DSCAM: variants seen among roughly 807,000 people sequenced by gnomAD.
DSCAM encodes DS cell adhesion molecule, also known as cell adhesion molecule DSCAM.
In DSCAM, 47 loss-of-function variants were observed where a neutral mutation model predicts 217.7. That is an observed-to-expected ratio of 0.22 (90% CI 0.17 to 0.28). The LOEUF (loss-of-function observed/expected upper bound fraction) is 0.28. Ranked by LOEUF, DSCAM falls within the 10% of genes least tolerant of loss-of-function variation. DSCAM has a pLI of 1.00. For synonymous variants in DSCAM, 1,056 were observed against 1,015.3 expected, an observed-to-expected ratio of 1.04 and a Z score of -0.76; for missense variants, 2,080 against 2,618.3, an observed-to-expected ratio of 0.79 and a Z score of 4.49.
intron 8 of DSCAM, among the ~76,000 whole-genome samples, chr21:40,332,642 C>T (rs948622379): frequency 5.3e-5 from 8 of 152,122 alleles, no homozygotes; most frequent in Non-Finnish European, 1.2e-4. Context: ...AAATATAAAA[C>T]TGCTTGTTAA....
chr21:40,363,317 A>G (rs561252031), intron 4 of DSCAM, among the ~76,000 whole-genome samples: 1 of 137,912 alleles, frequency 7.3e-6, no homozygotes, highest in African/African-American at 2.8e-5. Flanking sequence ...CAATGGTGCC[A>G]TCTTGGCTCA....
intron 20 of DSCAM, among the ~76,000 whole-genome samples, chr21:40,097,959 AAAGAAAGAAAGAAAGAAAGAAAGAAAG>A (rs2089700676): frequency 3.8e-5 from 1 of 26,544 alleles, no homozygotes; most frequent in African/African-American, 2.8e-4. Flanking sequence ...AAAAAAAAAG[AAAGAAAGAAAGAAAGAAAGAAAGAAAG>A]AAAGAAAGAA....
At chr21:40,191,808 G>A (rs558319743) in intron 11 of DSCAM, among the ~76,000 whole-genome samples, 103 of 152,190 alleles carry the variant, frequency 6.8e-4, no homozygotes, top group African/African-American at 2.1e-3. Context: ...GGCTTGTGGC[G>A]GCAAAACTTC....
At chr21:40,529,359 C>T (rs192412181) in intron 3 of DSCAM, among the ~76,000 whole-genome samples, 35 of 152,300 alleles carry the variant, frequency 2.3e-4, no homozygotes, top group African/African-American at 8.4e-4. Flanking sequence ...AAACAGGGTG[C>T]TGTTTCTTAG....
intron 3 of DSCAM, among the ~76,000 whole-genome samples, chr21:40,683,354 A>G (rs1441832854): frequency 2.0e-5 from 3 of 152,154 alleles, no homozygotes; most frequent in Non-Finnish European, 1.5e-5. Flanking sequence ...AGCCCAAAAT[A>G]CTCACTACTA....
intron 9 of DSCAM, among the ~76,000 whole-genome samples, chr21:40,296,598 G>A (rs987871850): frequency 6.6e-6 from 1 of 152,098 alleles, no homozygotes; most frequent in Non-Finnish European, 1.5e-5. Flanking sequence ...TTGGGAGTCC[G>A]AGGCAAGCAG....
intron 1 of DSCAM, among the ~76,000 whole-genome samples, chr21:40,771,527 C>T (rs775502639): frequency 5.3e-5 from 8 of 152,172 alleles, no homozygotes; most frequent in Admixed American, 3.3e-4. Flanking sequence ...GGAAGGCTTC[C>T]GGACCAGGTT....
chr21:40,657,389 G>T (rs2090087986), intron 3 of DSCAM, among the ~76,000 whole-genome samples: 1 of 152,076 alleles, frequency 6.6e-6, no homozygotes, highest in Non-Finnish European at 1.5e-5. Flanking sequence ...ATTTTCACAG[G>T]CAATAAAAGC....
At position 40,447,204 on chromosome 21, in the gene DSCAM, G is replaced by A. The variant is rs149524334; in HGVS notation, c.509-77959C>T. On this transcript the variant is annotated intron_variant, in intron 3 of 32. Coordinates refer to ENST00000400454, the MANE Select transcript of DSCAM (RefSeq NM_001389.5). The stretch of plus-strand genomic sequence containing the variant: ...TTGGGCATGTAGGTGAATGAAACTC[G>A]ACTCCTTACAGTCTCATACCCAAGC... Among the ~76,000 whole-genome samples the A allele has an allele frequency of 5.1e-4, 77 of 152,240 alleles. 2 individuals carry two copies. The highest frequency in any genetic ancestry group is 2.5e-3 in the South Asian group (12 of 4,822).
chr21:40,266,725 C>T (rs1307826198), intron 11 of DSCAM, among the ~76,000 whole-genome samples: 1 of 107,928 alleles, frequency 9.3e-6, no homozygotes, highest in Admixed American at 1.0e-4. Context: ...TCTTGTATAT[C>T]TTGTGTGTAT....
intron 3 of DSCAM, among the ~76,000 whole-genome samples, chr21:40,585,999 G>C (rs531908476): frequency 6.6e-6 from 1 of 152,280 alleles, no homozygotes; most frequent in South Asian, 2.1e-4. Context: ...TGGGATTACA[G>C]GTGCCCACCA....
rs187400283 is a variant in DSCAM at position 40,579,047 on chromosome 21, A to G, written c.508+113763T>C. On this transcript the variant is annotated intron_variant, in intron 3 of 32. Coordinates refer to ENST00000400454, the MANE Select transcript of DSCAM (RefSeq NM_001389.5). ...AACACAGAAAGATGCACATTAGCAC[A>G]TTTGTAACGACAGAGGGAGGTAGAG... is the stretch of plus-strand genomic sequence containing the variant. 9.9e-4 allele frequency among the ~76,000 whole-genome samples: 151 copies of G among 152,334 alleles called. 5 individuals carry two copies. In the East Asian group the frequency reaches 0.024, roughly 24 times the overall value.
intron 27 of DSCAM, among the ~76,000 whole-genome samples, chr21:40,072,631 A>G (rs1403250879): frequency 2.0e-5 from 3 of 152,078 alleles, no homozygotes; most frequent in African/African-American, 7.2e-5. Flanking sequence ...TACAGGTGTG[A>G]GCCACCGCAC....
intron 1 of DSCAM, among the ~76,000 whole-genome samples, chr21:40,757,335 T>C (rs1377074906): frequency 6.6e-6 from 1 of 152,174 alleles, no homozygotes; most frequent in East Asian, 1.9e-4. Context: ...CATGTGTATA[T>C]ATTGTTACTC....
chr21:40,080,612 T>C (rs966201949), intron 24 of DSCAM, among the ~76,000 whole-genome samples: 1 of 152,220 alleles, frequency 6.6e-6, no homozygotes, highest in Non-Finnish European at 1.5e-5. Flanking sequence ...AAAAGCCATA[T>C]TGAGCAGCAG....
rs758792903 is a variant in DSCAM, at chr21:40,075,175, C to T, written c.4750G>A (p.Glu1584Lys). Residue 1584 changes from glutamate (E) to lysine (K), a missense_variant, in exon 27 of 33, where the codon GAA (glutamate) becomes AAA (lysine). Physicochemically the swap from Glu to Lys is moderately conservative, Grantham distance 56. This residue lies in a region of DSCAM where 1,144 missense variants were observed against 1,421.1 expected (regional missense o/e 0.81). Coordinates refer to ENST00000400454, the MANE Select transcript of DSCAM (RefSeq NM_001389.5). Reference protein sequence around the residue: ...PPLIKSVVQNEEGLTTNEGLK... With the variant: ...PPLIKSVVQNKEGLTTNEGLK... Reference sequence around the variant, plus strand: ...CCCTCGTTGGTCGTCAGCCCTTCTTCGTTTTGGACAACTGACTTAATGAGT... The same window carrying T: ...CCCTCGTTGGTCGTCAGCCCTTCTTTGTTTTGGACAACTGACTTAATGAGT... 8.1e-6 allele frequency: 13 copies of T among 1,614,156 alleles called. No homozygotes were observed. The South Asian group carries it at 1.1e-4, about 14-fold the overall frequency.
At chr21:40,461,021 T>C (rs2075801462) in intron 3 of DSCAM, among the ~76,000 whole-genome samples, 1 of 152,184 alleles carries the variant, frequency 6.6e-6, no homozygotes, top group Non-Finnish European at 1.5e-5. Context: ...TACAGCCCTG[T>C]TCATAGTTGC....
intron 1 of DSCAM, among the ~76,000 whole-genome samples, chr21:40,734,933 C>G (rs1376170782): frequency 1.3e-5 from 2 of 152,080 alleles, no homozygotes; most frequent in East Asian, 3.8e-4. Flanking sequence ...AGAGAGTAGA[C>G]AAAGTAAGAA....
At chr21:40,139,991 G>A (rs1426902853) in intron 18 of DSCAM, among the ~76,000 whole-genome samples, 2 of 151,558 alleles carry the variant, frequency 1.3e-5, no homozygotes, top group African/African-American at 4.9e-5. Flanking sequence ...GGTGTGTGGT[G>A]TATGTGGGGT....
Sources: allele counts gnomAD v4.1 joint callset (sites outside exome capture counted in the v4.1 genomes callset), GRCh38; gene constraint gnomAD v4.1.1; regional missense constraint gnomAD v4.1.1; transcripts MANE v1.5; gene names NCBI Gene and HGNC (gene_info 2026-07-23, HGNC 2026-07-21).